The following BFAR variants were observed in gnomAD, a reference collection of about 807,000 sequenced individuals.
BFAR encodes bifunctional apoptosis regulator, also known as RING finger protein 47.
In BFAR, 52 loss-of-function variants were observed where a neutral mutation model predicts 54.4. The observed-to-expected ratio is 0.96, with a 90% confidence interval of 0.77 to 1.21. The LOEUF is 1.21. Ranked by LOEUF, BFAR falls within the 50% of genes most tolerant of loss-of-function variation. The pLI is 0.00. For missense variants in BFAR, 571 were observed against 534.0 expected (o/e 1.07, Z -0.68); for synonymous variants, 215 against 204.3 (o/e 1.05, Z -0.45).
chr16:14,635,527 A>G (rs1169702211), intron 1 of BFAR, among the ~76,000 whole-genome samples: 1 of 152,078 alleles, frequency 6.6e-6, no homozygotes, highest in Non-Finnish European at 1.5e-5. Flanking sequence ...CGAGAAATGA[A>G]AGAGGGCAGG....
At chr16:14,633,640 G>T (rs988466654) in intron 1 of BFAR, among the ~76,000 whole-genome samples, 1 of 152,146 alleles carries the variant, frequency 6.6e-6, no homozygotes, top group African/African-American at 2.4e-5. Flanking sequence ...AATAACTTAG[G>T]CAAAAGAGAA....
intron 1 of BFAR, among the ~76,000 whole-genome samples, chr16:14,634,397 T>A (rs1959368497): frequency 6.6e-6 from 1 of 152,238 alleles, no homozygotes; most frequent in South Asian, 2.1e-4. Flanking sequence ...TTTTGTTTGC[T>A]TTTTGGTTCC....
intron 5 of BFAR, among the ~76,000 whole-genome samples, chr16:14,659,051 G>T (rs1166521473): frequency 6.6e-6 from 1 of 151,254 alleles, no homozygotes; most frequent in African/African-American, 2.4e-5. Context: ...GGGACTACAG[G>T]TGTGCGCCTC....
chr16:14,663,430 C>T (rs529133162), intron 6 of BFAR, among the ~76,000 whole-genome samples: 9 of 152,206 alleles, frequency 5.9e-5, no homozygotes, highest in African/African-American at 1.9e-4. Context: ...CTCCCGGGTT[C>T]ATGCCATTCT....
intron 4 of BFAR, among the ~76,000 whole-genome samples, chr16:14,654,089 G>T (rs1036377329): frequency 2.1e-5 from 3 of 141,656 alleles, no homozygotes; most frequent in Non-Finnish European, 4.5e-5. Flanking sequence ...TCGGCTCACT[G>T]CAAGCTCCGC....
intron 1 of BFAR, among the ~76,000 whole-genome samples, chr16:14,635,381 C>T (rs947160539): frequency 4.6e-5 from 7 of 152,120 alleles, no homozygotes; most frequent in African/African-American, 1.2e-4. Context: ...AGTTAAAGTG[C>T]GTGTAACTTG....
rs775767214 is a variant in BFAR, at chr16:14,668,068, C to A, written c.*241C>A. ...GCTGACACAGCAGCAGCCCTTCCCA[C>A]CCAGCCACCTTCCTCACAGGGACTA... On this transcript the variant is annotated 3_prime_UTR_variant, in exon 8 of 8. Coordinates refer to ENST00000261658, the MANE Select transcript of BFAR (RefSeq NM_016561.3). The A allele has an allele frequency of 1.4e-4, 76 of 529,110 alleles. No individual in the cohort carries two copies. The highest frequency in any genetic ancestry group is 2.3e-4 in the Non-Finnish European group (68 of 298,918). 32.8% of individuals were successfully genotyped at this position (529,110 alleles called of 1,614,324 possible).
chr16:14,650,211 TC>T, intron 4 of BFAR: 1 of 344,276 alleles, frequency 2.9e-6, no homozygotes, highest in Non-Finnish European at 5.2e-6. Flanking sequence ...CACCTTGTAA[TC>T]CCATCTATTC....
intron 2 of BFAR, among the ~76,000 whole-genome samples, chr16:14,647,550 G>A (rs1301457838): frequency 1.3e-5 from 2 of 151,966 alleles, no homozygotes; most frequent in East Asian, 1.9e-4. Flanking sequence ...GTGTAATGGC[G>A]CATGCCCATA....
chr16:14,639,806 T>C (rs956636626), intron 1 of BFAR, among the ~76,000 whole-genome samples: 12 of 152,190 alleles, frequency 7.9e-5, no homozygotes, highest in Admixed American at 7.9e-4. Flanking sequence ...ATTATGATAT[T>C]GGTTTCCTGT....
At chr16:14,648,670 GTT>G in intron 3 of BFAR, 78 bp downstream of exon 3, 2 of 1,059,296 alleles carry the variant, frequency 1.9e-6, no homozygotes, top group Non-Finnish European at 2.8e-6. Flanking sequence ...AGTCAGTTCT[GTT>G]GAAATCACTG....
intron 5 of BFAR, among the ~76,000 whole-genome samples, chr16:14,657,232 G>GGTTTTT (rs1396644798): frequency 6.6e-6 from 1 of 151,868 alleles, no homozygotes; most frequent in African/African-American, 2.4e-5. Flanking sequence ...TGTGTTATTT[G>GGTTTTT]GTTTTTGTTT....
chr16:14,644,631 T>A, intron 2 of BFAR, 22 bp downstream of exon 2: 2 of 1,602,510 alleles, frequency 1.2e-6, no homozygotes, highest in East Asian at 4.5e-5. Context: ...CCTATATTGG[T>A]AGCACAAACA....
At chr16:14,653,042 C>T (rs942263907) in intron 4 of BFAR, among the ~76,000 whole-genome samples, 42 of 152,220 alleles carry the variant, frequency 2.8e-4, no homozygotes, top group African/African-American at 7.9e-4. Context: ...ATTCACCTCC[C>T]GCAAAATTAT....
In BFAR at chr16:14,663,960, G is replaced by A. The variant is rs541772148; in HGVS notation, c.958-909G>A. Among the ~76,000 whole-genome samples the A allele has an allele frequency of 5.9e-5, 9 of 151,494 alleles. No individual in the cohort carries two copies. The South Asian group carries it at 1.3e-3, about 21-fold the overall frequency. ...ATTTACTTAATTTGAGATTAATTAC[G>A]GCCGGGTGCGGTGGTTCACTCCTAT... On this transcript the variant is annotated intron_variant, in intron 6 of 7. Transcript: ENST00000261658.
intron 6 of BFAR, 75 bp from the exon 7 acceptor site, chr16:14,664,794 C>T (rs1960391641): frequency 2.1e-6 from 3 of 1,443,918 alleles, no homozygotes; most frequent in Admixed American, 3.4e-5. Flanking sequence ...GCCACCGTGC[C>T]TAGCCTGATC....
At chr16:14,659,624 C>A (rs1960233842) in intron 5 of BFAR, among the ~76,000 whole-genome samples, 1 of 151,728 alleles carries the variant, frequency 6.6e-6, no homozygotes, top group Non-Finnish European at 1.5e-5. Flanking sequence ...AATCTCCACT[C>A]ACTGCAAGCT....
At chr16:14,666,646 C>G (rs1374563714) in intron 7 of BFAR, among the ~76,000 whole-genome samples, 1 of 152,156 alleles carries the variant, frequency 6.6e-6, no homozygotes, top group East Asian at 1.9e-4. Context: ...ACCCTTGCAG[C>G]CTTTTACCTT....
Position 14,655,143 on chromosome 16 carries a change from TCCTCATGGAGCTAGAACGTGTCAAAGC to T in BFAR, c.717_743del (p.Met241_Leu249del). On this transcript the variant is annotated inframe_deletion, in exon 5 of 8. Transcript: ENST00000261658. ...GAAAACAGCAGCCACAGGAGAGCCATCCTCATGGAGCTAGAACGTGTCAAAGCATTAGGCGTGAAGCCCCCCCAGAAT... is the reference window on the plus strand; with the variant it reads ...GAAAACAGCAGCCACAGGAGAGCCATATTAGGCGTGAAGCCCCCCCAGAAT... The T allele has an allele frequency of 6.2e-7, 1 of 1,611,620 alleles. No individual in the cohort carries two copies. The highest frequency in any genetic ancestry group is 8.5e-7 in the Non-Finnish European group (1 of 1,179,294).
Sources: allele counts gnomAD v4.1 joint callset (sites outside exome capture counted in the v4.1 genomes callset), GRCh38; gene constraint gnomAD v4.1.1; transcripts MANE v1.5; gene names NCBI Gene and HGNC (gene_info 2026-07-23, HGNC 2026-07-21).